CELF2: variants seen among roughly 807,000 people sequenced by gnomAD.
CELF2 encodes the protein CUG triplet repeat RNA-binding protein 2.
A neutral mutation model predicts 62.6 loss-of-function variants in CELF2; 8 were observed. That is an observed-to-expected ratio of 0.13 (90% CI 0.07 to 0.23). The LOEUF is 0.23. Among genes scored for constraint, CELF2 ranks in the 10% least tolerant of loss-of-function variants. The probability of loss-of-function intolerance (pLI) is 1.00; values close to 1 mark genes in which losing one functional copy is unlikely to be tolerated. For missense variants in CELF2, 333 were observed against 671.0 expected (o/e 0.50, Z 5.56); for synonymous variants, 258 against 250.0 (o/e 1.03, Z -0.30).
chr10:10,694,960 T>C, the CELF2 span, among the ~76,000 whole-genome samples: 1 of 150,790 alleles, frequency 6.6e-6, no homozygotes, highest in African/African-American at 2.5e-5. Context: ...TCTTGACTCT[T>C]TATCCAATTT....
intron 2 of CELF2, among the ~76,000 whole-genome samples, chr10:10,926,243 G>A (rs2065444601): frequency 6.6e-6 from 1 of 152,140 alleles, no homozygotes; most frequent in Non-Finnish European, 1.5e-5. Flanking sequence ...ATGAATGGGA[G>A]GTGGTGAGGT....
chr10:10,567,063 G>A, the CELF2 span, among the ~76,000 whole-genome samples: 1 of 152,082 alleles, frequency 6.6e-6, no homozygotes, highest in East Asian at 1.9e-4. Context: ...ATGCAGAAAA[G>A]GACAGTGTTC....
At chr10:11,022,570 CTG>C (rs1454551202) in intron 1 of CELF2, among the ~76,000 whole-genome samples, 1 of 151,944 alleles carries the variant, frequency 6.6e-6, no homozygotes, top group Non-Finnish European at 1.5e-5. Flanking sequence ...TACAATAACA[CTG>C]TATTTGGCCT....
the CELF2 span, among the ~76,000 whole-genome samples, chr10:10,567,166 A>G: frequency 6.6e-6 from 1 of 152,210 alleles, no homozygotes; most frequent in Non-Finnish European, 1.5e-5. Context: ...GTGACTAAAC[A>G]TTTCCTCTAT....
At chr10:10,498,613 T>G in the CELF2 span, among the ~76,000 whole-genome samples, 1 of 152,200 alleles carries the variant, frequency 6.6e-6, no homozygotes, top group Non-Finnish European at 1.5e-5. Flanking sequence ...CAGCAAGTGT[T>G]ATCTTGCAGG....
intron 1 of CELF2, among the ~76,000 whole-genome samples, chr10:11,035,691 T>C (rs2060837205): frequency 6.6e-6 from 1 of 152,224 alleles, no homozygotes; most frequent in Non-Finnish European, 1.5e-5. Flanking sequence ...ATTTTTGAAA[T>C]ATGTGTGTTT....
chr10:11,272,481 A>T (rs1352121798), intron 7 of CELF2, among the ~76,000 whole-genome samples: 1 of 151,894 alleles, frequency 6.6e-6, no homozygotes, highest in Non-Finnish European at 1.5e-5. Flanking sequence ...GGCTTCCCCC[A>T]TCCACCATTT....
At chr10:10,590,763 A>G in the CELF2 span, among the ~76,000 whole-genome samples, 2 of 152,220 alleles carry the variant, frequency 1.3e-5, no homozygotes, top group Non-Finnish European at 1.5e-5. Flanking sequence ...CTCATCAGTT[A>G]AGTCAGAAAC....
In CELF2 at chr10:11,329,318, TCTC is replaced by T. The variant is rs777601961; in HGVS notation, c.*268_*270del. 4 of 275,454 alleles carry T rather than the reference TCTC, an allele frequency of 1.5e-5. No homozygotes were observed. The Admixed American group carries it at 1.6e-4, about 11-fold the overall frequency. 17.1% of individuals were successfully genotyped at this position (275,454 alleles called of 1,614,324 possible). The stretch of plus-strand genomic sequence containing the variant: ...ATTCTCCTTTGTTTTGCGATTTGAA[TCTC>T]CTTTTACCTTTTTTTTTAATTTTTT... On this transcript the variant is annotated 3_prime_UTR_variant, in exon 13 of 13. Coordinates refer to ENST00000633077, the MANE Select transcript of CELF2 (RefSeq NM_001326342.2). The surrounding 1 kb of genome is among the most constrained non-coding windows in gnomAD (Gnocchi z 5.5).
At chr10:10,541,602 A>T in the CELF2 span, among the ~76,000 whole-genome samples, 4 of 152,002 alleles carry the variant, frequency 2.6e-5, no homozygotes, top group Admixed American at 2.0e-4. Context: ...ACCATATAGG[A>T]TAACTTTCTA....
chr10:10,621,039 C>A, the CELF2 span, among the ~76,000 whole-genome samples: 1 of 149,742 alleles, frequency 6.7e-6, no homozygotes, highest in African/African-American at 2.5e-5. Context: ...CTGGCTAACA[C>A]GGTGAAACCC....
In CELF2 at chr10:11,306,398, G is replaced by A. The variant is rs2094212473; in HGVS notation, c.977-7741G>A. ...GTCCGAGGCAGCATCTTGCCAGCCT[G>A]CCAGCACAGAAATGGAGAGTCTGGG... On this transcript the variant is annotated intron_variant, in intron 9 of 12. Transcript: ENST00000633077. This position sits in a 1 kb window ranked among gnomAD's most constrained non-coding sequence, Gnocchi z 4.4. Among the ~76,000 whole-genome samples, 2 of 152,062 alleles carry A rather than the reference G, an allele frequency of 1.3e-5. No individual in the cohort carries two copies. The highest frequency in any genetic ancestry group is 2.4e-5 in the African/African-American group (1 of 41,410).
chr10:10,598,481 T>C, the CELF2 span, among the ~76,000 whole-genome samples: 22 of 152,240 alleles, frequency 1.4e-4, no homozygotes, highest in East Asian at 1.9e-3. Flanking sequence ...TCTCACATCC[T>C]GCAACGGAGC....
At chr10:11,254,457 C>T (rs1026500243) in intron 4 of CELF2, among the ~76,000 whole-genome samples, 7 of 152,176 alleles carry the variant, frequency 4.6e-5, no homozygotes, top group Non-Finnish European at 7.3e-5. Context: ...TTTAAAAGTG[C>T]GAGTTATCTT....
At chr10:10,500,673 G>A in the CELF2 span, among the ~76,000 whole-genome samples, 1 of 152,032 alleles carries the variant, frequency 6.6e-6, no homozygotes, top group Admixed American at 6.6e-5. Context: ...GCATGAAAAT[G>A]GACTAATACA....
At chr10:10,705,889 C>G in the CELF2 span, among the ~76,000 whole-genome samples, 2 of 152,196 alleles carry the variant, frequency 1.3e-5, no homozygotes, top group African/African-American at 4.8e-5. Flanking sequence ...GCCCATTGCT[C>G]TCTAGAATGC....
intron 1 of CELF2, among the ~76,000 whole-genome samples, chr10:10,913,298 G>A (rs775807070): frequency 1.1e-4 from 17 of 150,844 alleles, no homozygotes; most frequent in East Asian, 1.9e-4. Flanking sequence ...AAGGTGTTTG[G>A]GATTTTCCAG....
At chr10:10,815,793 T>C (rs945473622) in intron 1 of CELF2, among the ~76,000 whole-genome samples, 7 of 152,134 alleles carry the variant, frequency 4.6e-5, no homozygotes, top group African/African-American at 1.4e-4. Context: ...TCAACCAGCC[T>C]GTTAGTTAGA....
chr10:11,271,427 T>A (rs1210818251), intron 7 of CELF2, among the ~76,000 whole-genome samples: 1 of 152,152 alleles, frequency 6.6e-6, no homozygotes, highest in Non-Finnish European at 1.5e-5. Flanking sequence ...GTGACCAGAA[T>A]TTAAGACAGT....
Sources: allele counts gnomAD v4.1 joint callset (sites outside exome capture counted in the v4.1 genomes callset), GRCh38; gene constraint gnomAD v4.1.1; non-coding constraint Gnocchi (gnomAD v3.1); transcripts MANE v1.5; gene names NCBI Gene and HGNC (gene_info 2026-07-23, HGNC 2026-07-21).